The following STAG3 variants were observed in gnomAD, a reference collection of about 807,000 sequenced individuals.
STAG3 encodes the protein STAG3 cohesin complex component.
A neutral mutation model predicts 160.7 loss-of-function variants in STAG3; 101 were observed. That is an observed-to-expected ratio of 0.63 (90% confidence interval 0.54 to 0.74). STAG3 has a LOEUF of 0.74. STAG3 is among the 30% of genes least tolerant of loss of function. The pLI, the probability that STAG3 is intolerant of heterozygous loss-of-function variation, is 0.00. For synonymous variants in STAG3, 519 were observed against 585.0 expected, an observed-to-expected ratio of 0.89 and a Z score of 1.63; for missense variants, 1,188 against 1,517.4, an observed-to-expected ratio of 0.78 and a Z score of 3.61.
At chr7:100,215,182 C>G (rs1399785195), downstream of STAG3, 1 of 152,230 alleles carries the variant, frequency 6.6e-6, no homozygotes, top group Non-Finnish European at 1.5e-5. Context: ...GATAAAATTT[C>G]CAGTTCTTCC....
At chr7:100,181,983 C>T in intron 2 of STAG3, 107 bp from the exon 3 acceptor site, 11 of 567,902 alleles carry the variant, frequency 1.9e-5, no homozygotes, top group African/African-American at 3.9e-5. Context: ...ATATGTTTTT[C>T]TCATGGAGAT....
At chr7:100,177,728 C>G (rs1011184506), upstream of STAG3, 3 of 152,750 alleles carry the variant, frequency 2.0e-5, no homozygotes, top group Non-Finnish European at 4.4e-5. Context: ...CTAAAGCGGG[C>G]CGCCCGCGTG....
At chr7:100,213,634 A>T in intron 32 of STAG3, 101 bp from the exon 33 acceptor site, 1 of 1,585,384 alleles carries the variant, frequency 6.3e-7, no homozygotes, top group Non-Finnish European at 8.6e-7. Context: ...TGCTGTGCCC[A>T]TATTTGTTCT....
At position 100,189,482 on chromosome 7, in the gene STAG3, C is replaced by T. The variant is rs751703636; in HGVS notation, c.753C>T (p.Leu251=). 3 of 1,614,096 alleles carry T rather than the reference C, an allele frequency of 1.9e-6. No homozygotes were observed. Among genetic ancestry groups the T allele is most frequent in the Non-Finnish European group, 2.5e-6 (3 of 1,180,008 alleles). ...KLMTSLVKVA[L]QLSVHQDNNQ... is the part of the protein sequence containing the mutation. ...TGACCTCCCTGGTAAAAGTTGCCCT[C>T]CAACTGAGTGTGCACCAAGATAACA... The change falls in exon 8 of 34, where the codon CTC becomes CTT. Residue 251 remains leucine, a synonymous_variant. Coordinates refer to ENST00000615138, the MANE Select transcript of STAG3 (RefSeq NM_001282717.2).
At chr7:100,189,621 CT>C (rs1220904148) in intron 8 of STAG3, 25 bp downstream of exon 8, 1 of 1,596,742 alleles carries the variant, frequency 6.3e-7, no homozygotes, top group Non-Finnish European at 8.5e-7. Context: ...CTGCTTCTTC[CT>C]TCCCTTTTTC....
chr7:100,182,688 T>A, intron 3 of STAG3, 35 bp from the exon 4 acceptor site: 4 of 1,607,120 alleles, frequency 2.5e-6, no homozygotes, highest in Non-Finnish European at 3.4e-6. Context: ...TTTTTTGTTT[T>A]TTTTTCATAT....
intron 25 of STAG3, 54 bp from the exon 26 acceptor site, chr7:100,203,967 C>T: frequency 4.7e-6 from 6 of 1,271,894 alleles, no homozygotes; most frequent in Non-Finnish European, 6.9e-6. Context: ...AAGGAAGAAA[C>T]CAAATGGTCT....
At chr7:100,178,423 G>T (rs1451955812) in intron 1 of STAG3, among the ~76,000 whole-genome samples, 2 of 151,618 alleles carry the variant, frequency 1.3e-5, no homozygotes, top group African/African-American at 2.4e-5. Flanking sequence ...GAAAGCCTGG[G>T]GTCTTCTTGT....
intron 7 of STAG3, 88 bp from the exon 8 acceptor site, chr7:100,189,357 C>T: frequency 1.5e-6 from 2 of 1,359,938 alleles, no homozygotes; most frequent in Non-Finnish European, 2.0e-6. Flanking sequence ...TTTTCATTGC[C>T]CTTCTTTCCT....
intron 11 of STAG3, 68 bp from the exon 12 acceptor site, chr7:100,198,019 G>A: frequency 6.3e-7 from 1 of 1,575,278 alleles, no homozygotes; most frequent in Non-Finnish European, 8.7e-7. Context: ...AGGAGTCTCT[G>A]ATTCTAAGAG....
At chr7:100,193,510 T>C (rs1800471533) in intron 8 of STAG3, among the ~76,000 whole-genome samples, 1 of 152,240 alleles carries the variant, frequency 6.6e-6, no homozygotes, top group Non-Finnish European at 1.5e-5. Context: ...ATCAGTGATC[T>C]TAGCTAGATT....
intron 8 of STAG3, among the ~76,000 whole-genome samples, chr7:100,190,640 T>C (rs1393301219): frequency 6.6e-6 from 1 of 152,158 alleles, no homozygotes; most frequent in African/African-American, 2.4e-5. Flanking sequence ...TCCCCACTAT[T>C]TTCTTCTCTC....
In STAG3 at chr7:100,180,540, GCTC is replaced by G; in HGVS notation, c.-10_-8del. On this transcript the variant is annotated 5_prime_UTR_variant, in exon 2 of 34. Coordinates refer to ENST00000615138, the MANE Select transcript of STAG3 (RefSeq NM_001282717.2). The stretch of plus-strand genomic sequence containing the variant: ...TGGTCCTCATCTTCCTGGCCTCATA[GCTC>G]CTCCTCTCCAAGCATGTCTTCCCCG... 6.6e-7 allele frequency: 1 copy of G among 1,511,386 alleles called. No homozygotes were observed. Among genetic ancestry groups the G allele is most frequent in the Non-Finnish European group, 9.2e-7 (1 of 1,086,020 alleles). 93.6% of individuals were successfully genotyped at this position (1,511,386 alleles called of 1,614,324 possible).
At chr7:100,186,689 A>G (rs1424536018) in intron 5 of STAG3, among the ~76,000 whole-genome samples, 1 of 152,246 alleles carries the variant, frequency 6.6e-6, no homozygotes, top group Non-Finnish European at 1.5e-5. Flanking sequence ...CTTCAAAAAA[A>G]AAGAGAGAAA....
chr7:100,195,505 G>A, intron 9 of STAG3, 123 bp downstream of exon 9: 3 of 842,898 alleles, frequency 3.6e-6, no homozygotes, highest in Admixed American at 5.9e-5. Context: ...TAATGCAGCT[G>A]GAGCAAAAAT....
At chr7:100,177,881 A>ATTGCGC (rs1263329393), upstream of STAG3, 9 of 152,364 alleles carry the variant, frequency 5.9e-5, no homozygotes, top group African/African-American at 1.7e-4. Flanking sequence ...AGCCGTTGGG[A>ATTGCGC]TTGCGCTTGC....
intron 29 of STAG3, among the ~76,000 whole-genome samples, chr7:100,208,186 A>G (rs1801840297): frequency 6.6e-6 from 1 of 151,674 alleles, no homozygotes; most frequent in African/African-American, 2.4e-5. Context: ...TAATTTTTGT[A>G]TATAGTGTGA....
At chr7:100,199,720 C>A in intron 16 of STAG3, 76 bp downstream of exon 16, 1 of 1,214,220 alleles carries the variant, frequency 8.2e-7, no homozygotes, top group Non-Finnish European at 1.1e-6. Flanking sequence ...ATCCCCCAGG[C>A]TGGGGTTAGG....
rs374854428 is a variant in STAG3, at chr7:100,205,401, G to C, written c.3238+17G>C. ...GCGTTGAAGGTAGGGTGCTGTGTGT[G>C]GGTATGGGGGTGCCCAGCAGGTGGT... On this transcript the variant is annotated intron_variant, in intron 29 of 33. Coordinates refer to ENST00000615138, the MANE Select transcript of STAG3 (RefSeq NM_001282717.2). 5 of 1,577,386 alleles carry C rather than the reference G, an allele frequency of 3.2e-6. No individual in the cohort carries two copies. In the Admixed American group the frequency reaches 5.8e-5, roughly 18 times the overall value.
Sources: allele counts gnomAD v4.1 joint callset (sites outside exome capture counted in the v4.1 genomes callset), GRCh38; gene constraint gnomAD v4.1.1; transcripts MANE v1.5; gene names NCBI Gene and HGNC (gene_info 2026-07-23, HGNC 2026-07-21).